Variants in CLDN14 observed in about 807,000 individuals in gnomAD.
CLDN14 encodes the protein claudin-14.
A neutral mutation model predicts 2.1 loss-of-function variants in CLDN14; 2 were observed. The ratio of observed to expected loss-of-function variants is 0.96; its 90% CI spans 0.39 to 3.01. The LOEUF (loss-of-function observed/expected upper bound fraction) is 3.01. Among genes scored for constraint, CLDN14 ranks in the 30% most tolerant of loss-of-function variants. The pLI is 0.09. For missense variants in CLDN14, 298 were observed against 328.0 expected, an observed-to-expected ratio of 0.91 and a Z score of 0.71; for synonymous variants, 136 against 154.4, an observed-to-expected ratio of 0.88 and a Z score of 0.88.
At chr21:36,565,893 A>T (rs775864899) in intron 1 of CLDN14, among the ~76,000 whole-genome samples, 1 of 152,222 alleles carries the variant, frequency 6.6e-6, no homozygotes, top group Non-Finnish European at 1.5e-5. Context: ...TTGATTACAG[A>T]CATTGGGAAC....
At chr21:36,572,073 T>C (rs531196038) in intron 1 of CLDN14, among the ~76,000 whole-genome samples, 1 of 152,306 alleles carries the variant, frequency 6.6e-6, no homozygotes, top group South Asian at 2.1e-4. Context: ...AGGCTTTATT[T>C]TATAAGTGTG....
At chr21:36,526,134 C>T (rs2146497467) in intron 1 of CLDN14, 1 of 152,218 alleles carries the variant, frequency 6.6e-6, no homozygotes, top group Non-Finnish European at 1.5e-5. Flanking sequence ...TCATTTAGTC[C>T]AGAGGGTGCA....
upstream of CLDN14, among the ~76,000 whole-genome samples, chr21:36,484,774 C>T (rs1163852291): frequency 2.0e-5 from 3 of 152,082 alleles, no homozygotes; most frequent in African/African-American, 7.2e-5. Context: ...AGTGCAATGG[C>T]GTGATCTTGG....
chr21:36,538,802 C>T (rs1212602967), intron 1 of CLDN14, among the ~76,000 whole-genome samples: 1 of 152,132 alleles, frequency 6.6e-6, no homozygotes, highest in Non-Finnish European at 1.5e-5. Context: ...GCAGGTATGA[C>T]ATCTGGCCAG....
At chr21:36,485,985 ACTT>A (rs1568853516) in intron 2 of CLDN14, 6 of 1,449,858 alleles carry the variant, frequency 4.1e-6, no homozygotes, top group African/African-American at 2.8e-5. Flanking sequence ...CTCCAGTCTC[ACTT>A]CTTGTCTTCC....
chr21:36,525,796 G>A (rs966741647), intron 1 of CLDN14, among the ~76,000 whole-genome samples: 2 of 152,140 alleles, frequency 1.3e-5, no homozygotes, highest in African/African-American at 2.4e-5. Flanking sequence ...CATCAGGAAC[G>A]GTACCAAGGA....
chr21:36,490,374 A>AT lies in CLDN14; in HGVS notation c.-82+19988dup, dbSNP rs886962244. Among the ~76,000 whole-genome samples the AT allele has an allele frequency of 1.2e-4, 16 of 136,174 alleles. 1 individual carries two copies. The South Asian group carries it at 3.0e-3, about 26-fold the overall frequency. 89.3% of individuals were successfully genotyped at this position (136,174 alleles called of 152,430 possible). On this transcript the variant is annotated intron_variant, in intron 2 of 2. Coordinates refer to the CLDN14 transcript ENST00000342108. The stretch of plus-strand genomic sequence containing the variant: ...GCGAACCACCATGTCTGCTAGTTCA[A>AT]TTTTTTTTTAATTTTTTTTTTTTTT...
At chr21:36,571,459 C>T (rs2087709910) in intron 1 of CLDN14, among the ~76,000 whole-genome samples, 1 of 152,112 alleles carries the variant, frequency 6.6e-6, no homozygotes, top group Admixed American at 6.6e-5. Flanking sequence ...ATTCTTTGTC[C>T]ACATCATGGT....
chr21:36,501,973 A>G (rs2087095739), intron 2 of CLDN14, among the ~76,000 whole-genome samples: 1 of 150,954 alleles, frequency 6.6e-6, no homozygotes, highest in South Asian at 2.1e-4. Flanking sequence ...GCGTTAAGCT[A>G]TTGTTTAAAC....
intron 1 of CLDN14, among the ~76,000 whole-genome samples, chr21:36,553,374 A>T (rs1382837223): frequency 6.6e-6 from 1 of 152,156 alleles, no homozygotes; most frequent in Admixed American, 6.5e-5. Flanking sequence ...CAAGGCAGTG[A>T]TGCCCACCTG....
Position 36,474,005 on chromosome 21 carries a change from G to A in CLDN14, c.-82+5490C>T, listed in dbSNP as rs534330261. On this transcript the variant is annotated intron_variant, in intron 1 of 1. Coordinates refer to ENST00000399135, the MANE Select transcript of CLDN14 (RefSeq NM_001146079.2). ...TGGAGACCTTGATAAGCTCAGTTTCGGCGGAGTTGATTGGAGTGGGTTCAA... is the reference window on the plus strand; with the variant it reads ...TGGAGACCTTGATAAGCTCAGTTTCAGCGGAGTTGATTGGAGTGGGTTCAA... Among the ~76,000 whole-genome samples, 5 of 152,262 alleles carry A rather than the reference G, an allele frequency of 3.3e-5. No individual in the cohort carries two copies. In the East Asian group the frequency reaches 7.7e-4, roughly 23 times the overall value.
chr21:36,551,791 CAG>C lies in CLDN14; in HGVS notation c.-220+24618_-220+24619del, dbSNP rs1473442412. ...ATCAAGCAAAATGCTCACTCACTGA[CAG>C]AGATCAATGAAGCAGACAGCAACTC... On this transcript the variant is annotated intron_variant, in intron 1 of 2. Transcript: ENST00000342108. The surrounding 1 kb of genome is among the most constrained non-coding windows in gnomAD (Gnocchi z 4.8). Among the ~76,000 whole-genome samples, 2 of 152,160 alleles carry C rather than the reference CAG, an allele frequency of 1.3e-5. No homozygotes were observed. The highest frequency in any genetic ancestry group is 4.8e-5 in the African/African-American group (2 of 41,442).
At chr21:36,546,172 C>A (rs933359041) in intron 1 of CLDN14, among the ~76,000 whole-genome samples, 2 of 152,186 alleles carry the variant, frequency 1.3e-5, no homozygotes, top group African/African-American at 4.8e-5. Context: ...TCACTTTTTG[C>A]AGAATCACTT....
chr21:36,466,117 G>A (rs538601393), intron 1 of CLDN14, among the ~76,000 whole-genome samples: 12 of 152,268 alleles, frequency 7.9e-5, no homozygotes, highest in African/African-American at 2.6e-4. Flanking sequence ...AGCTGGAAAC[G>A]TGTCAATGTG....
intron 1 of CLDN14, chr21:36,526,630 T>G (rs1189397195): frequency 1.3e-5 from 2 of 152,236 alleles, no homozygotes; most frequent in East Asian, 1.9e-4. Context: ...CAAAAACAGA[T>G]GAAGGACTTC....
At chr21:36,475,527 G>A (rs897263379) in intron 1 of CLDN14, among the ~76,000 whole-genome samples, 2 of 152,200 alleles carry the variant, frequency 1.3e-5, no homozygotes, top group African/African-American at 2.4e-5. Context: ...TGATTCTGAT[G>A]TGCAGGCAGG....
intron 2 of CLDN14, among the ~76,000 whole-genome samples, chr21:36,504,589 C>CA (rs2087115492): frequency 6.6e-6 from 1 of 152,178 alleles, no homozygotes; most frequent in Non-Finnish European, 1.5e-5. Context: ...TAAGACCTAT[C>CA]TGAAGTATCT....
At position 36,532,792 on chromosome 21, in the gene CLDN14, C is replaced by T. The variant is rs559553547; in HGVS notation, c.-219-22292G>A. Among the ~76,000 whole-genome samples, 12 of 152,192 alleles carry T rather than the reference C, an allele frequency of 7.9e-5. No individual in the cohort carries two copies. The South Asian group carries it at 1.2e-3, about 16-fold the overall frequency. On this transcript the variant is annotated intron_variant, in intron 1 of 2. Transcript: ENST00000342108. ...TAAAAGAAAGTATTTAAGTTACGAT[C>T]AGAAATATATTTGTCTAGAAATAAA...
intron 1 of CLDN14, among the ~76,000 whole-genome samples, chr21:36,572,378 G>T (rs1226460258): frequency 7.1e-6 from 1 of 140,186 alleles, no homozygotes. Flanking sequence ...TGGTGCTCTG[G>T]GTGACCTTCC....
Sources: gnomAD v4.1 joint callset for allele counts (sites outside exome capture counted in the v4.1 genomes callset) on GRCh38, gnomAD v4.1.1 for gene constraint, Gnocchi (gnomAD v3.1) non-coding constraint, MANE v1.5 for transcripts, NCBI Gene and HGNC (gene_info 2026-07-23, HGNC 2026-07-21) for gene names.